The following ELP1 variants were observed in gnomAD, a reference collection of about 807,000 sequenced individuals.
ELP1 encodes elongator complex protein 1.
A neutral mutation model predicts 183.2 loss-of-function variants in ELP1; 131 were observed. That is an observed-to-expected ratio of 0.72 (90% CI 0.62 to 0.83). The LOEUF is 0.83. ELP1 is among the 40% of genes least tolerant of loss of function. The pLI is 0.00. For missense variants in ELP1, 1,550 were observed against 1,594.9 expected (o/e 0.97, Z 0.48); for synonymous variants, 555 against 569.0 (o/e 0.98, Z 0.35).
intron 29 of ELP1, among the ~76,000 whole-genome samples, chr9:108,888,317 T>C (rs150723164): frequency 4.6e-5 from 7 of 152,300 alleles, no homozygotes; most frequent in African/African-American, 1.7e-4. Flanking sequence ...AGATCATGAG[T>C]GCAATGGTGG....
rs552967602 is a variant in ELP1, at chr9:108,901,699, T to G, written c.1855-18A>C. ...ACACATTCCTGCAAAGAAATAAAACTGAAATCACAAGCAATTCTATCTCAA... is the reference window on the plus strand; with the variant it reads ...ACACATTCCTGCAAAGAAATAAAACGGAAATCACAAGCAATTCTATCTCAA... On this transcript the variant is annotated intron_variant, in intron 16 of 36. Transcript: ENST00000374647. The G allele has an allele frequency of 1.2e-6, 2 of 1,612,784 alleles. No individual in the cohort carries two copies. The highest frequency in any genetic ancestry group is 3.3e-5 in the Admixed American group (2 of 60,012).
chr9:108,899,469 A>G (rs1008605969), intron 20 of ELP1, among the ~76,000 whole-genome samples: 3 of 152,144 alleles, frequency 2.0e-5, no homozygotes, highest in Admixed American at 6.5e-5. Flanking sequence ...CTGTAAATCT[A>G]TTGAAAGCTG....
chr9:108,917,399 G>A lies in ELP1; in HGVS notation c.864+148C>T, dbSNP rs371926854. On this transcript the variant is annotated intron_variant, in intron 9 of 36. Transcript: ENST00000374647. ...GGAGAATCACTTGAACCTAGGAGGC[G>A]GAGGTTGCAGTGAACCGAGATTGCA... 34 of 711,698 alleles carry A rather than the reference G, an allele frequency of 4.8e-5. No homozygotes were observed. In the East Asian group the frequency reaches 5.3e-4, roughly 11 times the overall value. The allele number at this position is 711,698 out of a possible 1,614,324, so 44.1% of individuals were successfully genotyped here.
chr9:108,868,438 C>G lies in ELP1; in HGVS notation c.*677G>C, dbSNP rs893948547. On this transcript the variant is annotated 3_prime_UTR_variant, in exon 37 of 37. Transcript: ENST00000374647. ...ATACAATGCACACTGATCACTCACACCAACTGTGCATGATACTGTTTAGAA... is the reference window on the plus strand; with the variant it reads ...ATACAATGCACACTGATCACTCACAGCAACTGTGCATGATACTGTTTAGAA... 1.9e-5 allele frequency: 6 copies of G among 311,978 alleles called. No homozygotes were observed. Among genetic ancestry groups the G allele is most frequent in the African/African-American group, 8.5e-5 (4 of 46,922 alleles). The allele number at this position is 311,978 out of a possible 1,614,324, so 19.3% of individuals were successfully genotyped here.
At chr9:108,888,335 G>T (rs747715544) in intron 29 of ELP1, among the ~76,000 whole-genome samples, 1 of 152,202 alleles carries the variant, frequency 6.6e-6, no homozygotes, top group Non-Finnish European at 1.5e-5. Flanking sequence ...TGGTTACACA[G>T]CTACAAACAT....
intron 29 of ELP1, among the ~76,000 whole-genome samples, chr9:108,886,671 C>G (rs1828133775): frequency 6.6e-6 from 1 of 152,136 alleles, no homozygotes; most frequent in Non-Finnish European, 1.5e-5. Context: ...ACCAAGAGGG[C>G]AGGAATTGGC....
chr9:108,878,525 G>A, intron 34 of ELP1, 98 bp downstream of exon 34: 1 of 1,517,098 alleles, frequency 6.6e-7, no homozygotes, highest in Non-Finnish European at 9.1e-7. Flanking sequence ...CTCAAATTGG[G>A]AAAATGGTAG....
At chr9:108,889,128 C>T (rs1828229791) in intron 29 of ELP1, among the ~76,000 whole-genome samples, 1 of 152,112 alleles carries the variant, frequency 6.6e-6, no homozygotes, top group Admixed American at 6.5e-5. Flanking sequence ...AAGTAGAGCA[C>T]CTTCATATTC....
chr9:108,931,477 A>G (rs1467215100), intron 1 of ELP1, among the ~76,000 whole-genome samples: 2 of 152,232 alleles, frequency 1.3e-5, no homozygotes, highest in African/African-American at 2.4e-5. Context: ...AAAAGATGTA[A>G]TATCAGTTAT....
rs753041406 is a variant in ELP1 at position 108,889,339 on chromosome 9, C to A, written c.3215G>T (p.Cys1072Phe). 4 of 1,613,970 alleles carry A rather than the reference C, an allele frequency of 2.5e-6. No homozygotes were observed. The African/African-American group carries it at 5.3e-5, about 22-fold the overall frequency. Residue 1072 changes from cysteine (C) to phenylalanine (F), a missense_variant, in exon 29 of 37, where the codon TGT (cysteine) becomes TTT (phenylalanine). Transcript: ENST00000374647. Reference protein sequence around the residue: ...HIDAAMVLEECAQDYEEAVLL... With the variant: ...HIDAAMVLEEFAQDYEEAVLL... The stretch of plus-strand genomic sequence containing the variant: ...GGGAGGAATTGAGTTTACCTGGGCA[C>A]ACTCTTCCAAAACCATGGCCGCATC...
intron 2 of ELP1, 66 bp downstream of exon 2, chr9:108,930,931 A>G: frequency 6.6e-7 from 1 of 1,522,276 alleles, no homozygotes; most frequent in South Asian, 1.1e-5. Context: ...ATGTGGGGAA[A>G]GAAATTTGGA....
chr9:108,914,759 G>A (rs1271323962), intron 10 of ELP1, among the ~76,000 whole-genome samples: 1 of 152,054 alleles, frequency 6.6e-6, no homozygotes, highest in Non-Finnish European at 1.5e-5. Context: ...CTGAGTAGCT[G>A]GGACTACAGG....
chr9:108,933,634 G>A (rs567912222), intron 1 of ELP1, among the ~76,000 whole-genome samples: 5 of 152,396 alleles, frequency 3.3e-5, no homozygotes, highest in Admixed American at 2.0e-4. Context: ...GCTGGGTTAA[G>A]TCCGGCTGGA....
At chr9:108,912,755 T>TG (rs1829278773) in intron 10 of ELP1, among the ~76,000 whole-genome samples, 2 of 145,036 alleles carry the variant, frequency 1.4e-5, no homozygotes, top group African/African-American at 5.0e-5. Flanking sequence ...TTATTTTCGT[T>TG]TTTTTTTTTT....
intron 10 of ELP1, among the ~76,000 whole-genome samples, chr9:108,914,877 G>A (rs952309891): frequency 3.9e-5 from 6 of 152,062 alleles, no homozygotes; most frequent in African/African-American, 9.7e-5. Flanking sequence ...CGCCCGCCTC[G>A]GCCTCCCAAA....
intron 31 of ELP1, among the ~76,000 whole-genome samples, chr9:108,880,987 C>T (rs1306037369): frequency 1.3e-5 from 2 of 152,200 alleles, no homozygotes; most frequent in East Asian, 3.8e-4. Flanking sequence ...ATCAACCACT[C>T]CCTAAGGTTT....
At position 108,931,181 on chromosome 9, in the gene ELP1, C is replaced by G. The variant is rs1287597548; in HGVS notation, c.-35G>C. The G allele has an allele frequency of 6.3e-7, 1 of 1,598,074 alleles. No homozygotes were observed. Among genetic ancestry groups the G allele is most frequent in the Non-Finnish European group, 8.6e-7 (1 of 1,165,494 alleles). On this transcript the variant is annotated 5_prime_UTR_variant, in exon 2 of 37. Coordinates refer to ENST00000374647, the MANE Select transcript of ELP1 (RefSeq NM_003640.5). ...ATTCCCACGAGACAAGTACAACTAT[C>G]CCTTGATGAATCATTAATCTCTAAG... is the stretch of plus-strand genomic sequence containing the variant.
chr9:108,871,800 T>C (rs1233303753), intron 36 of ELP1, among the ~76,000 whole-genome samples: 2 of 152,260 alleles, frequency 1.3e-5, no homozygotes, highest in South Asian at 2.1e-4. Context: ...GCCTTTCTCA[T>C]AGCAATCCTG....
At chr9:108,883,658 G>A (rs1828014617) in intron 29 of ELP1, among the ~76,000 whole-genome samples, 2 of 151,936 alleles carry the variant, frequency 1.3e-5, no homozygotes, top group South Asian at 4.1e-4. Context: ...GTATTATGGA[G>A]TGAATACTCT....
Sources: gnomAD v4.1 joint callset for allele counts (sites outside exome capture counted in the v4.1 genomes callset) on GRCh38, gnomAD v4.1.1 for gene constraint, MANE v1.5 for transcripts, NCBI Gene and HGNC (gene_info 2026-07-23, HGNC 2026-07-21) for gene names.